The following GPHN variants were observed in gnomAD, a reference collection of about 807,000 sequenced individuals.
GPHN encodes gephyrin.
GPHN carries 17 observed loss-of-function variants against 95.5 expected under a neutral mutation model. The observed-to-expected ratio is 0.18, with a 90% CI of 0.12 to 0.27. The LOEUF (loss-of-function observed/expected upper bound fraction) is 0.27, where lower values mean the gene tolerates loss of function less well. Ranked by LOEUF, GPHN falls within the 10% of genes least tolerant of loss-of-function variation. The pLI is 1.00. For synonymous variants in GPHN, 320 were observed against 322.5 expected (o/e 0.99, Z 0.08); for missense variants, 660 against 978.1 (o/e 0.67, Z 4.34).
chr14:67,256,807 C>T, the GPHN span, among the ~76,000 whole-genome samples: 1 of 152,064 alleles, frequency 6.6e-6, no homozygotes, highest in African/African-American at 2.4e-5. Context: ...GACACACACA[C>T]ACACACACAC....
chr14:67,224,259 CTT>C, the GPHN span, among the ~76,000 whole-genome samples: 14,123 of 134,486 alleles, frequency 0.11, 1,347 homozygotes, highest in African/African-American at 0.3. Context: ...TCTCTCTTTT[CTT>C]TTTTTTTTTT....
chr14:66,888,425 G>A (rs1422049779), intron 5 of GPHN, among the ~76,000 whole-genome samples: 1 of 152,162 alleles, frequency 6.6e-6, no homozygotes, highest in Non-Finnish European at 1.5e-5. Context: ...AGTATGTAAA[G>A]ATGTAATTTA....
the GPHN span, chr14:67,470,137 C>T: frequency 1.3e-5 from 2 of 152,280 alleles, no homozygotes; most frequent in Non-Finnish European, 2.9e-5. Context: ...TTGCCCCCTC[C>T]ACAGGGCAGC....
At chr14:66,990,304 G>A (rs536740151) in intron 9 of GPHN, among the ~76,000 whole-genome samples, 1 of 152,114 alleles carries the variant, frequency 6.6e-6, no homozygotes, top group Non-Finnish European at 1.5e-5. Context: ...TTTGGGTGGA[G>A]ACACAGAGCC....
chr14:67,400,769 C>G, the GPHN span, among the ~76,000 whole-genome samples: 1 of 152,024 alleles, frequency 6.6e-6, no homozygotes, highest in Admixed American at 6.6e-5. Context: ...AGGAGGATCA[C>G]TTGAGACCAG....
intron 3 of GPHN, among the ~76,000 whole-genome samples, chr14:66,782,085 A>G (rs1411881318): frequency 6.6e-6 from 1 of 152,160 alleles, no homozygotes; most frequent in Non-Finnish European, 1.5e-5. Context: ...AAATTGATAC[A>G]ATATTTTTAA....
the GPHN span, chr14:67,301,906 T>C: frequency 6.6e-7 from 1 of 1,505,352 alleles, no homozygotes; most frequent in Non-Finnish European, 8.9e-7. Flanking sequence ...TGTACATAGG[T>C]TAAAAATCAC....
At chr14:66,836,851 C>T (rs1256565688) in intron 4 of GPHN, among the ~76,000 whole-genome samples, 7 of 151,688 alleles carry the variant, frequency 4.6e-5, no homozygotes, top group Admixed American at 1.3e-4. Context: ...AAATGCTCAC[C>T]GTCACTGGCC....
rs1375459001 is a variant in GPHN at position 66,508,490 on chromosome 14, TC to T, written c.-35del. 3 of 1,606,396 alleles carry T rather than the reference TC, an allele frequency of 1.9e-6. No homozygotes were observed. In the Admixed American group the frequency reaches 5.0e-5, roughly 27 times the overall value. On this transcript the variant is annotated 5_prime_UTR_variant, in exon 1 of 23. Transcript: ENST00000478722. ...CCCGCGCGCTCCGGGCTCCGGTTTCTCCCGGCTCCTGTCAGTGCGGTGACTG... is the reference window on the plus strand; with the variant it reads ...CCCGCGCGCTCCGGGCTCCGGTTTCTCCGGCTCCTGTCAGTGCGGTGACTG...
intron 9 of GPHN, among the ~76,000 whole-genome samples, chr14:66,967,636 A>G (rs966717241): frequency 2.0e-5 from 3 of 152,076 alleles, no homozygotes; most frequent in Middle Eastern, 3.4e-3. Flanking sequence ...TGTGCTAAAA[A>G]AGTCTCAGAT....
At chr14:66,560,711 T>G (rs756893676) in intron 1 of GPHN, among the ~76,000 whole-genome samples, 135 of 152,308 alleles carry the variant, frequency 8.9e-4, no homozygotes, top group Non-Finnish European at 1.7e-3. Context: ...ACTTCCTCTT[T>G]TCCTAATTGA....
the GPHN span, chr14:67,292,521 C>T: frequency 4.0e-5 from 64 of 1,607,956 alleles, no homozygotes; most frequent in Non-Finnish European, 2.8e-5. Flanking sequence ...AAATAGAAGA[C>T]TTGTTTTCTT....
chr14:66,977,239 G>T (rs767270858), intron 9 of GPHN, among the ~76,000 whole-genome samples: 3 of 152,246 alleles, frequency 2.0e-5, no homozygotes, highest in Admixed American at 2.0e-4. Flanking sequence ...AGACCATCCT[G>T]ACTAACACGG....
At chr14:66,940,149 G>A (rs144657083) in intron 8 of GPHN, among the ~76,000 whole-genome samples, 20 of 152,002 alleles carry the variant, frequency 1.3e-4, no homozygotes, top group African/African-American at 4.8e-4. Context: ...TTCTCAGTTT[G>A]GAAGATGTAT....
At chr14:67,192,414 A>G in the GPHN span, among the ~76,000 whole-genome samples, 10 of 151,576 alleles carry the variant, frequency 6.6e-5, no homozygotes, top group South Asian at 1.9e-3. Context: ...AACAATCAAC[A>G]TGTATTTTTG....
chr14:67,368,969 C>T, the GPHN span, among the ~76,000 whole-genome samples: 13 of 151,672 alleles, frequency 8.6e-5, no homozygotes, highest in Non-Finnish European at 1.9e-4. Flanking sequence ...AAACAAAAAC[C>T]AGAAAGAACA....
the GPHN span, among the ~76,000 whole-genome samples, chr14:67,475,009 G>A: frequency 5.4e-5 from 8 of 148,122 alleles, no homozygotes; most frequent in African/African-American, 2.0e-4. Flanking sequence ...TCCGCCTCCT[G>A]GGTTCAAGCG....
intron 2 of GPHN, among the ~76,000 whole-genome samples, chr14:66,693,374 G>A (rs931829790): frequency 6.6e-6 from 1 of 152,134 alleles, no homozygotes; most frequent in Non-Finnish European, 1.5e-5. Context: ...TTTCTTAAAG[G>A]TAAGTGTAGT....
At chr14:67,301,849 C>G in the GPHN span, 32 of 1,082,742 alleles carry the variant, frequency 3.0e-5, no homozygotes, top group Non-Finnish European at 3.7e-5. Flanking sequence ...TTATTATTAG[C>G]TCTAATTAAT....
Sources: allele counts gnomAD v4.1 joint callset (sites outside exome capture counted in the v4.1 genomes callset), GRCh38; gene constraint gnomAD v4.1.1; transcripts MANE v1.5; gene names NCBI Gene and HGNC (gene_info 2026-07-23, HGNC 2026-07-21).